The following NRG3 variants were observed in gnomAD, a reference collection of about 807,000 sequenced individuals.
NRG3 encodes neuregulin 3.
NRG3 carries 31 observed loss-of-function variants against 66.9 expected under a neutral mutation model. That is an observed-to-expected ratio of 0.46 (90% CI 0.35 to 0.63). The LOEUF (loss-of-function observed/expected upper bound fraction) is 0.63, where lower values mean the gene tolerates loss of function less well. Ranked by LOEUF, NRG3 falls within the 20% of genes least tolerant of loss-of-function variation. The pLI, the probability that NRG3 is intolerant of heterozygous loss-of-function variation, is 0.00. For missense variants in NRG3, 910 were observed against 878.9 expected (o/e 1.04, Z -0.45); for synonymous variants, 393 against 359.4 (o/e 1.09, Z -1.06).
intron 1 of NRG3, among the ~76,000 whole-genome samples, chr10:82,216,460 A>ATATGTGTGTG (rs1554851844): frequency 2.1e-5 from 3 of 146,330 alleles, no homozygotes; most frequent in South Asian, 2.2e-4. Context: ...TTTTATATAT[A>ATATGTGTGTG]TGTGTGTGTG....
Position 81,959,143 on chromosome 10 carries a change from A to C in NRG3, c.823+82980A>C, listed in dbSNP as rs187882538. On this transcript the variant is annotated intron_variant, in intron 1 of 8. Coordinates refer to ENST00000372141, the MANE Select transcript of NRG3 (RefSeq NM_001010848.4). ...CTTTTATAATCATTGGAATATGAATAAGGAAGAATGTTGCACAGTCACTGA... is the reference window on the plus strand; with the variant it reads ...CTTTTATAATCATTGGAATATGAATCAGGAAGAATGTTGCACAGTCACTGA... 1.3e-3 allele frequency among the ~76,000 whole-genome samples: 202 copies of C among 152,314 alleles called. No homozygotes were observed. In the Middle Eastern group the frequency reaches 0.014, roughly 10 times the overall value.
intron 2 of NRG3, among the ~76,000 whole-genome samples, chr10:82,484,067 T>C (rs1308556472): frequency 6.6e-6 from 1 of 152,228 alleles, no homozygotes; most frequent in Non-Finnish European, 1.5e-5. Flanking sequence ...TGGTTTTTTC[T>C]ATAATGGCTT....
rs543498218 is a variant in NRG3 at position 82,432,164 on chromosome 10, T to A, written c.953+73296T>A. 1.1e-3 allele frequency among the ~76,000 whole-genome samples: 172 copies of A among 152,330 alleles called. 1 individual carries two copies. The highest frequency in any genetic ancestry group is 3.8e-3 in the African/African-American group (157 of 41,576). Reference sequence around the variant, plus strand: ...TAAAAAGCTTCTGAATTTTTACTGTTATGCATATGTGCAGATATTACACTG... The same window carrying A: ...TAAAAAGCTTCTGAATTTTTACTGTAATGCATATGTGCAGATATTACACTG... On this transcript the variant is annotated intron_variant, in intron 2 of 8. Coordinates refer to ENST00000372141, the MANE Select transcript of NRG3 (RefSeq NM_001010848.4).
At chr10:82,967,133 G>A (rs1017098317) in intron 6 of NRG3, among the ~76,000 whole-genome samples, 8 of 148,018 alleles carry the variant, frequency 5.4e-5, no homozygotes, top group African/African-American at 2.0e-4. Context: ...ACAGATCAAA[G>A]ATTTTATATA....
chr10:82,376,854 C>T (rs1564853475), intron 2 of NRG3, among the ~76,000 whole-genome samples: 1 of 152,176 alleles, frequency 6.6e-6, no homozygotes, highest in Non-Finnish European at 1.5e-5. Flanking sequence ...TGAGTACCTG[C>T]TCTCTGTCTA....
intron 1 of NRG3, among the ~76,000 whole-genome samples, chr10:82,266,325 G>T (rs1589524506): frequency 6.6e-6 from 1 of 152,070 alleles, no homozygotes; most frequent in African/African-American, 2.4e-5. Flanking sequence ...AAGGTAAAGC[G>T]GAGTTGGAGA....
intron 2 of NRG3, among the ~76,000 whole-genome samples, chr10:82,684,132 A>G (rs1432266305): frequency 6.6e-6 from 1 of 152,202 alleles, no homozygotes; most frequent in East Asian, 1.9e-4. Context: ...CTTTAGATAC[A>G]AGGATACATT....
At chr10:82,575,136 T>C (rs1271317438) in intron 2 of NRG3, among the ~76,000 whole-genome samples, 1 of 151,858 alleles carries the variant, frequency 6.6e-6, no homozygotes, top group East Asian at 1.9e-4. Context: ...CACTTAGCAT[T>C]CCACAATGCA....
At chr10:81,969,057 C>G (rs1223871795) in intron 1 of NRG3, among the ~76,000 whole-genome samples, 1 of 152,124 alleles carries the variant, frequency 6.6e-6, no homozygotes, top group Non-Finnish European at 1.5e-5. Flanking sequence ...CTGACTGAAG[C>G]CATCTTGCCA....
chr10:82,488,600 C>A (rs1437186308), intron 2 of NRG3, among the ~76,000 whole-genome samples: 1 of 152,114 alleles, frequency 6.6e-6, no homozygotes, highest in Non-Finnish European at 1.5e-5. Context: ...TTCTTTCCAA[C>A]AACAGTGTTC....
At chr10:82,315,476 T>C (rs2081244877) in intron 1 of NRG3, among the ~76,000 whole-genome samples, 1 of 152,132 alleles carries the variant, frequency 6.6e-6, no homozygotes, top group Admixed American at 6.5e-5. Context: ...TCTTCTTGTG[T>C]AGATCTTACA....
At chr10:82,902,266 T>C (rs913319262) in intron 4 of NRG3, among the ~76,000 whole-genome samples, 1 of 152,150 alleles carries the variant, frequency 6.6e-6, no homozygotes, top group Non-Finnish European at 1.5e-5. Flanking sequence ...AGAGGGAATG[T>C]TTGAAGATCA....
chr10:82,725,023 C>T (rs1466017385), intron 2 of NRG3, among the ~76,000 whole-genome samples: 1 of 152,148 alleles, frequency 6.6e-6, no homozygotes, highest in East Asian at 1.9e-4. Context: ...AGGACATTAC[C>T]ACCCTCCAGA....
chr10:82,351,113 C>T (rs924366202), intron 1 of NRG3, among the ~76,000 whole-genome samples: 4 of 152,080 alleles, frequency 2.6e-5, no homozygotes, highest in Admixed American at 2.6e-4. Context: ...CCAGGATGGT[C>T]TTGATCTCCT....
intron 4 of NRG3, among the ~76,000 whole-genome samples, chr10:82,948,919 C>T (rs897840224): frequency 6.6e-6 from 1 of 152,026 alleles, no homozygotes; most frequent in South Asian, 2.1e-4. Flanking sequence ...TTTCTTGTTA[C>T]ATTAACTAAA....
At position 82,602,675 on chromosome 10, in the gene NRG3, T is replaced by C. The variant is rs531895275; in HGVS notation, c.954-135902T>C. On this transcript the variant is annotated intron_variant, in intron 2 of 8. Transcript: ENST00000372141. ...TTTGAGAATTGAATGAGATCATATA[T>C]GAAGACCCAAGCGCAGTTCCTGGAC... is the stretch of plus-strand genomic sequence containing the variant. Among the ~76,000 whole-genome samples, 10 of 152,288 alleles carry C rather than the reference T, an allele frequency of 6.6e-5. No homozygotes were observed. In the South Asian group the frequency reaches 2.1e-3, roughly 32 times the overall value.
intron 2 of NRG3, among the ~76,000 whole-genome samples, chr10:82,375,057 G>A (rs2085126455): frequency 6.6e-6 from 1 of 152,130 alleles, no homozygotes; most frequent in African/African-American, 2.4e-5. Flanking sequence ...GATCACATTT[G>A]CTATTCACAG....
intron 3 of NRG3, among the ~76,000 whole-genome samples, chr10:82,803,673 G>A (rs187864662): frequency 4.6e-5 from 7 of 152,262 alleles, no homozygotes; most frequent in African/African-American, 1.2e-4. Context: ...CCGGTGTTGA[G>A]GAAAGAGTGT....
chr10:82,457,777 G>T (rs1336390415), intron 2 of NRG3, among the ~76,000 whole-genome samples: 3 of 152,166 alleles, frequency 2.0e-5, no homozygotes, highest in Non-Finnish European at 4.4e-5. Flanking sequence ...GTCAGTGAAG[G>T]TTACCGCTGC....
Sources: gnomAD v4.1 joint callset for allele counts (sites outside exome capture counted in the v4.1 genomes callset) on GRCh38, gnomAD v4.1.1 for gene constraint, MANE v1.5 for transcripts, NCBI Gene and HGNC (gene_info 2026-07-23, HGNC 2026-07-21) for gene names.